TXNDC11: variants seen among roughly 807,000 people sequenced by gnomAD.
TXNDC11 encodes the protein thioredoxin domain-containing protein 11.
In TXNDC11, 68 loss-of-function variants were observed where a neutral mutation model predicts 78.0. That is an observed-to-expected ratio of 0.87 (90% CI 0.72 to 1.07). The LOEUF (loss-of-function observed/expected upper bound fraction) is 1.07. Among genes scored for constraint, TXNDC11 ranks in the 50% least tolerant of loss-of-function variants. The pLI, the probability that TXNDC11 is intolerant of heterozygous loss-of-function variation, is 0.00. For missense variants in TXNDC11, 1,389 were observed against 1,221.8 expected (o/e 1.14, Z -2.04); for synonymous variants, 571 against 495.2 (o/e 1.15, Z -2.03).
intron 7 of TXNDC11, among the ~76,000 whole-genome samples, chr16:11,694,996 A>G (rs533826547): frequency 6.6e-6 from 1 of 152,332 alleles, no homozygotes; most frequent in Non-Finnish European, 1.5e-5. Flanking sequence ...CATGCTAACC[A>G]CGCCTTTGCT....
At chr16:11,706,684 T>C (rs2141047564) in intron 5 of TXNDC11, among the ~76,000 whole-genome samples, 1 of 152,310 alleles carries the variant, frequency 6.6e-6, no homozygotes, top group East Asian at 1.9e-4. Flanking sequence ...GCTGCCCTTC[T>C]TGTGCCTCCC....
intron 10 of TXNDC11, among the ~76,000 whole-genome samples, chr16:11,685,554 C>T (rs1046222378): frequency 6.6e-6 from 1 of 150,678 alleles, no homozygotes; most frequent in Non-Finnish European, 1.5e-5. Flanking sequence ...GAGGCTGAGG[C>T]AGGAGAATGG....
chr16:11,711,767 A>C (rs182842503), intron 5 of TXNDC11, among the ~76,000 whole-genome samples: 22 of 152,254 alleles, frequency 1.4e-4, no homozygotes, highest in Admixed American at 1.1e-3. Flanking sequence ...TGCCTACCAC[A>C]CTAACCCTGA....
intron 7 of TXNDC11, 131 bp downstream of exon 7, chr16:11,697,994 C>T (rs1231916343): frequency 1.2e-6 from 1 of 855,256 alleles, no homozygotes. Flanking sequence ...AAGAGCAATG[C>T]TCAGAGCCAC....
intron 5 of TXNDC11, among the ~76,000 whole-genome samples, chr16:11,714,493 A>G (rs1292693783): frequency 1.3e-5 from 2 of 152,262 alleles, no homozygotes; most frequent in African/African-American, 4.8e-5. Context: ...ACAAAACATT[A>G]GCCGGGCGTG....
chr16:11,685,594 A>G (rs2050546542), intron 10 of TXNDC11, among the ~76,000 whole-genome samples: 1 of 151,710 alleles, frequency 6.6e-6, no homozygotes, highest in Non-Finnish European at 1.5e-5. Context: ...GCTTATAGTG[A>G]GCTGAGATTG....
intron 5 of TXNDC11, among the ~76,000 whole-genome samples, chr16:11,718,630 A>G (rs1243906182): frequency 6.6e-6 from 1 of 152,172 alleles, no homozygotes; most frequent in Non-Finnish European, 1.5e-5. Flanking sequence ...ACTTTAGGGA[A>G]TCCTTCATAG....
chr16:11,681,712 A>G (rs778921330), intron 11 of TXNDC11, among the ~76,000 whole-genome samples: 5 of 152,044 alleles, frequency 3.3e-5, no homozygotes, highest in Non-Finnish European at 7.4e-5. Context: ...GAGCACCTAT[A>G]TTTTGCAATG....
At position 11,734,964 on chromosome 16, in the gene TXNDC11, G is replaced by A. The variant is rs144911214; in HGVS notation, c.472-885C>T. Reference sequence around the variant, plus strand: ...CTACACTCAAACCTGCTTTGCACACGGAAGAGTCGTCCATAGCATTCCAGA... The same window carrying A: ...CTACACTCAAACCTGCTTTGCACACAGAAGAGTCGTCCATAGCATTCCAGA... On this transcript the variant is annotated intron_variant, in intron 2 of 11. Transcript: ENST00000283033. Among the ~76,000 whole-genome samples, 340 of 152,292 alleles carry A rather than the reference G, an allele frequency of 2.2e-3. 2 individuals carry two copies. Among genetic ancestry groups the A allele is most frequent in the Non-Finnish European group, 1.5e-3 (101 of 68,026 alleles).
intron 7 of TXNDC11, 93 bp from the exon 8 acceptor site, chr16:11,692,175 T>C (rs908630225): frequency 7.9e-6 from 8 of 1,017,916 alleles, no homozygotes; most frequent in Non-Finnish European, 5.7e-6. Context: ...ATTTCAGTTA[T>C]CCATGGTCAA....
intron 5 of TXNDC11, among the ~76,000 whole-genome samples, chr16:11,712,914 C>T (rs2051403510): frequency 8.4e-6 from 1 of 119,336 alleles, no homozygotes; most frequent in African/African-American, 2.8e-5. Context: ...ATGGAGAAAC[C>T]CCATTTCCAC....
chr16:11,732,404 C>T (rs1481119212), intron 3 of TXNDC11, among the ~76,000 whole-genome samples: 1 of 152,146 alleles, frequency 6.6e-6, no homozygotes, highest in African/African-American at 2.4e-5. Flanking sequence ...AGGACCTCAG[C>T]AGGGCAAGCT....
chr16:11,708,726 A>C (rs180930575), intron 5 of TXNDC11, among the ~76,000 whole-genome samples: 5 of 152,376 alleles, frequency 3.3e-5, no homozygotes, highest in Admixed American at 2.6e-4. Flanking sequence ...CATTTACTCC[A>C]TGGGGAAATT....
Position 11,682,652 on chromosome 16 carries a change from G to A in TXNDC11, c.2234+1513C>T, listed in dbSNP as rs141557918. Among the ~76,000 whole-genome samples the A allele has an allele frequency of 8.7e-3, 1,319 of 152,216 alleles. 22 individuals carry two copies. The highest frequency in any genetic ancestry group is 0.074 in the South Asian group (355 of 4,820). On this transcript the variant is annotated intron_variant, in intron 11 of 11. Transcript: ENST00000283033. ...TATGCTTGGAATTCAAAAATTATAC[G>A]TCATTAAACTACATGCCCAACTCCT...
rs2050614949 is a variant in TXNDC11, at chr16:11,688,153, C to A, written c.2043+150G>T. On this transcript the variant is annotated intron_variant, in intron 9 of 11. Coordinates refer to ENST00000283033, the MANE Select transcript of TXNDC11 (RefSeq NM_015914.7). ...GGAGCACTTTTCTGAAATTTAAAAA[C>A]CACATGTAATTCATTCACGGTCCAT... is the stretch of plus-strand genomic sequence containing the variant. 3.1e-6 allele frequency: 3 copies of A among 976,692 alleles called. No homozygotes were observed. In the Admixed American group the frequency reaches 7.1e-5, roughly 23 times the overall value. 60.5% of individuals were successfully genotyped at this position (976,692 alleles called of 1,614,324 possible).
intron 1 of TXNDC11, among the ~76,000 whole-genome samples, chr16:11,740,544 G>A (rs2052361153): frequency 6.6e-6 from 1 of 152,208 alleles, no homozygotes; most frequent in Non-Finnish European, 1.5e-5. Flanking sequence ...TTAACAAACC[G>A]ATGTAAATAA....
intron 1 of TXNDC11, among the ~76,000 whole-genome samples, chr16:11,737,496 G>C (rs534065380): frequency 3.3e-5 from 5 of 151,062 alleles, no homozygotes; most frequent in African/African-American, 9.7e-5. Flanking sequence ...AAGAACAAAA[G>C]CCAGACGGTA....
At chr16:11,725,878 G>C (rs1270349765) in intron 4 of TXNDC11, among the ~76,000 whole-genome samples, 2 of 152,076 alleles carry the variant, frequency 1.3e-5, no homozygotes, top group African/African-American at 2.4e-5. Flanking sequence ...TCAGAGTCTT[G>C]TCTTTGTTTT....
chr16:11,718,012 T>C (rs1400545879), intron 5 of TXNDC11, among the ~76,000 whole-genome samples: 2 of 150,400 alleles, frequency 1.3e-5, no homozygotes, highest in Admixed American at 6.6e-5. Flanking sequence ...GGTAAGTGAA[T>C]TTCCTTTCTT....
Sources: allele counts gnomAD v4.1 joint callset (sites outside exome capture counted in the v4.1 genomes callset), GRCh38; gene constraint gnomAD v4.1.1; transcripts MANE v1.5; gene names NCBI Gene and HGNC (gene_info 2026-07-23, HGNC 2026-07-21).